The following CHST15 variants were observed in gnomAD, a reference collection of about 807,000 sequenced individuals.
The protein encoded by CHST15 is carbohydrate sulfotransferase 15.
A neutral mutation model predicts 53.6 loss-of-function variants in CHST15; 30 were observed. That is an observed-to-expected ratio of 0.56 (90% CI 0.42 to 0.76). The LOEUF (loss-of-function observed/expected upper bound fraction) is 0.76. Among genes scored for constraint, CHST15 ranks in the 30% least tolerant of loss-of-function variants. The probability of loss-of-function intolerance (pLI) is 0.00; values close to 1 mark genes in which losing one functional copy is unlikely to be tolerated. For synonymous variants in CHST15, 296 were observed against 289.8 expected, an observed-to-expected ratio of 1.02 and a Z score of -0.22; for missense variants, 627 against 740.5, an observed-to-expected ratio of 0.85 and a Z score of 1.78.
intron 6 of CHST15, 100 bp downstream of exon 6, chr10:124,021,156 T>C: frequency 6.5e-7 from 1 of 1,531,048 alleles, no homozygotes; most frequent in Non-Finnish European, 8.7e-7. Flanking sequence ...TCTGTTCCTA[T>C]GCTGAAACGC....
chr10:124,088,130 G>T (rs1191639128), intron 1 of CHST15, among the ~76,000 whole-genome samples: 2 of 152,250 alleles, frequency 1.3e-5, no homozygotes. Flanking sequence ...CTTACTGGAT[G>T]CCAGGCACTG....
At chr10:124,038,476 C>A in intron 5 of CHST15, 39 bp downstream of exon 5, 1 of 1,601,512 alleles carries the variant, frequency 6.2e-7, no homozygotes, top group South Asian at 1.1e-5. Flanking sequence ...TCAAAAGTTC[C>A]TCTTCTCACC....
chr10:124,014,181 A>G (rs1946511046), intron 6 of CHST15, among the ~76,000 whole-genome samples: 1 of 152,160 alleles, frequency 6.6e-6, no homozygotes, highest in Non-Finnish European at 1.5e-5. Flanking sequence ...TTTCCTGCCC[A>G]ACTTGACCTG....
chr10:124,011,689 A>G, intron 7 of CHST15: 1 of 985,446 alleles, frequency 1.0e-6, no homozygotes, highest in Non-Finnish European at 1.2e-6. Flanking sequence ...CTGTCACCAC[A>G]AAGTGACTCT....
Position 124,021,177 on chromosome 10 carries a change from T to G in CHST15, c.1347+79A>C, listed in dbSNP as rs1220790208. 6 of 1,440,030 alleles carry G rather than the reference T, an allele frequency of 4.2e-6. No homozygotes were observed. The East Asian group carries it at 1.8e-4, about 43-fold the overall frequency. The allele number at this position is 1,440,030 out of a possible 1,614,324, so 89.2% of individuals were successfully genotyped here. A position where few individuals can be genotyped will look rare whatever the true frequency, so the allele number is the denominator to read the frequency against. ...CCTATGCTGAAACGCAAACCCACAA[T>G]GCCGCTTGCATAATAACAACAAACC... On this transcript the variant is annotated intron_variant, in intron 6 of 7. Transcript: ENST00000435907.
At chr10:124,018,304 AT>A (rs200045719) in intron 6 of CHST15, among the ~76,000 whole-genome samples, 2,388 of 152,318 alleles carry the variant, frequency 0.016, 62 homozygotes, top group African/African-American at 0.053. Context: ...GATGTCACAC[AT>A]TTTGTTTGTA....
At chr10:124,026,120 G>T (rs1039169813) in intron 5 of CHST15, among the ~76,000 whole-genome samples, 2 of 152,194 alleles carry the variant, frequency 1.3e-5, no homozygotes, top group African/African-American at 4.8e-5. Context: ...TGAGACCCTG[G>T]AACAGTGGCC....
chr10:124,070,798 A>G (rs1948889264), intron 1 of CHST15, among the ~76,000 whole-genome samples: 1 of 152,162 alleles, frequency 6.6e-6, no homozygotes, highest in Non-Finnish European at 1.5e-5. Context: ...AGGCTTCCAG[A>G]ATCCAATGAA....
intron 1 of CHST15, among the ~76,000 whole-genome samples, chr10:124,091,917 C>A (rs1316816419): frequency 1.3e-5 from 2 of 152,224 alleles, no homozygotes; most frequent in Non-Finnish European, 1.5e-5. Flanking sequence ...CGGCCCCGGG[C>A]GCAGGGCGGG....
intron 1 of CHST15, among the ~76,000 whole-genome samples, chr10:124,071,714 C>A (rs1948919683): frequency 6.6e-6 from 1 of 152,198 alleles, no homozygotes; most frequent in South Asian, 2.1e-4. Flanking sequence ...AGTACCTGAG[C>A]TGTATCTAGA....
At chr10:124,011,808 T>C (rs1946425466) in intron 7 of CHST15, 2 of 985,314 alleles carry the variant, frequency 2.0e-6, no homozygotes, top group African/African-American at 1.7e-5. Flanking sequence ...CTCTGACTCC[T>C]GGAATTTCCA....
chr10:124,046,272 C>G lies in CHST15; in HGVS notation c.-60G>C, dbSNP rs1948003897. ...AGCCATGGGTGGGCCCCCCACGAGT[C>G]TGGATGTCCGCAAGTCGTGCTAGAA... On this transcript the variant is annotated 5_prime_UTR_variant, in exon 2 of 8. Coordinates refer to ENST00000435907, the MANE Select transcript of CHST15 (RefSeq NM_001270764.2). The G allele has an allele frequency of 2.0e-6, 3 of 1,487,360 alleles. 1 individual carries two copies. In the South Asian group the frequency reaches 4.0e-5, roughly 20 times the overall value. The allele number at this position is 1,487,360 out of a possible 1,614,324, so 92.1% of individuals were successfully genotyped here.
chr10:124,069,367 A>ACC (rs60053494), intron 1 of CHST15, among the ~76,000 whole-genome samples: 282 of 141,920 alleles, frequency 2.0e-3, no homozygotes, highest in African/African-American at 6.5e-3. Flanking sequence ...TGTTTGGGGG[A>ACC]CCCCCCCCCC....
Position 124,010,296 on chromosome 10 carries a change from G to A in CHST15, c.1539C>T (p.Pro513=), listed in dbSNP as rs780982305. The change falls in exon 8 of 8, where the codon CCC becomes CCT. Residue 513 remains proline (P), a synonymous_variant. Coordinates refer to ENST00000435907, the MANE Select transcript of CHST15 (RefSeq NM_001270764.2). ...EKQEALMTKS[P]ASNARRPEDR... ...CCTCGGGACGCCGTGCATTGGATGC[G>A]GGGCTCTTGGTCATCAAAGCCTCCT... 1.2e-6 allele frequency: 2 copies of A among 1,611,494 alleles called. No individual in the cohort carries two copies. The highest frequency in any genetic ancestry group is 1.7e-5 in the Admixed American group (1 of 59,786).
intron 1 of CHST15, among the ~76,000 whole-genome samples, chr10:124,082,505 A>G (rs1164460922): frequency 6.6e-6 from 1 of 152,228 alleles, no homozygotes; most frequent in African/African-American, 2.4e-5. Flanking sequence ...AGGGCCAGGG[A>G]AAGAGTGTTG....
Position 124,009,699 on chromosome 10 carries a change from C to T in CHST15, c.*450G>A. On this transcript the variant is annotated 3_prime_UTR_variant, in exon 8 of 8. Coordinates refer to ENST00000435907, the MANE Select transcript of CHST15 (RefSeq NM_001270764.2). ...GACAGTCTGTGCAACACGGCGAGAC[C>T]CCATCTCTAGGGGGAAAAAAAGGGA... is the stretch of plus-strand genomic sequence containing the variant. 5.9e-6 allele frequency: 6 copies of T among 1,021,084 alleles called. No individual in the cohort carries two copies. Among genetic ancestry groups the T allele is most frequent in the Non-Finnish European group, 5.9e-6 (5 of 850,642 alleles). 63.3% of individuals were successfully genotyped at this position (1,021,084 alleles called of 1,614,324 possible). A position where few individuals can be genotyped will look rare whatever the true frequency, so the allele number is the denominator to read the frequency against.
rs77103543 is a variant in CHST15 at position 124,024,262 on chromosome 10, T to C, written c.1191-2850A>G. ...CCTTCTCCACTGCCCTCCCCTCTAA[T>C]TGAGGTCATGATATGAGGAGCAGCA... On this transcript the variant is annotated intron_variant, in intron 5 of 7. Coordinates refer to ENST00000435907, the MANE Select transcript of CHST15 (RefSeq NM_001270764.2). The surrounding 1 kb of genome is among the most constrained non-coding windows in gnomAD (Gnocchi z 4.0). Among the ~76,000 whole-genome samples the C allele has an allele frequency of 0.012, 1,807 of 152,290 alleles. 40 individuals are homozygous for C. Among genetic ancestry groups the C allele is most frequent in the African/African-American group, 0.039 (1,621 of 41,554 alleles).
intron 6 of CHST15, chr10:124,020,488 A>C: frequency 2.0e-6 from 2 of 985,530 alleles, no homozygotes; most frequent in South Asian, 9.4e-5. Flanking sequence ...CTCTGTAGTA[A>C]GAAAGAGGGG....
At chr10:124,085,203 C>T (rs1476637958) in intron 1 of CHST15, among the ~76,000 whole-genome samples, 1 of 152,190 alleles carries the variant, frequency 6.6e-6, no homozygotes, top group Non-Finnish European at 1.5e-5. Flanking sequence ...CAAATATTTA[C>T]ATTCCAAACA....
Sources: gnomAD v4.1 joint callset for allele counts (sites outside exome capture counted in the v4.1 genomes callset) on GRCh38, gnomAD v4.1.1 for gene constraint, Gnocchi (gnomAD v3.1) non-coding constraint, MANE v1.5 for transcripts, NCBI Gene and HGNC (gene_info 2026-07-23, HGNC 2026-07-21) for gene names.